Variants in NDE1 observed in about 807,000 individuals in gnomAD.
NDE1 encodes the protein nudE neurodevelopment protein 1, also known as nuclear distribution protein nudE homolog 1.
Under a neutral mutation model 43.4 loss-of-function variants are expected in NDE1, and 28 were observed. The observed-to-expected ratio is 0.65, with a 90% CI of 0.48 to 0.89. NDE1 has a LOEUF of 0.89. NDE1 is among the 40% of genes least tolerant of loss of function. NDE1 has a pLI of 0.00. For synonymous variants in NDE1, 184 were observed against 172.0 expected, an observed-to-expected ratio of 1.07 and a Z score of -0.55; for missense variants, 441 against 434.1, an observed-to-expected ratio of 1.02 and a Z score of -0.14.
intron 1 of NDE1, among the ~76,000 whole-genome samples, chr16:15,662,016 C>T (rs1202671094): frequency 6.6e-6 from 1 of 152,062 alleles, no homozygotes; most frequent in Non-Finnish European, 1.5e-5. Context: ...TTACTGCAGC[C>T]TCAAATTCCT....
chr16:15,720,860 C>G, intron 8 of NDE1: 1 of 1,613,850 alleles, frequency 6.2e-7, no homozygotes, highest in Non-Finnish European at 8.5e-7. Context: ...GTTGCCTCCT[C>G]TTCTCCTCAT....
intron 4 of NDE1, among the ~76,000 whole-genome samples, chr16:15,678,734 T>A (rs2038014872): frequency 6.6e-6 from 1 of 152,152 alleles, no homozygotes; most frequent in Admixed American, 6.6e-5. Context: ...TTTTTTTGGA[T>A]AAGAACACTT....
rs139377348 is a variant in NDE1, at chr16:15,724,763, C to T, written c.*512C>T. On this transcript the variant is annotated 3_prime_UTR_variant, in exon 9 of 9. Coordinates refer to ENST00000396354, the MANE Select transcript of NDE1 (RefSeq NM_017668.3). ...TCCAGCTGGCGCAGCTTCGTAGACA[C>T]GTTGAGCTTCTGCCGGGTTTCTTCT... 2.5e-6 allele frequency: 4 copies of T among 1,614,124 alleles called. No individual in the cohort carries two copies. Among genetic ancestry groups the T allele is most frequent in the Non-Finnish European group, 3.4e-6 (4 of 1,180,024 alleles).
intron 8 of NDE1, among the ~76,000 whole-genome samples, chr16:15,706,437 G>A (rs963595291): frequency 6.6e-6 from 1 of 152,148 alleles, no homozygotes; most frequent in Non-Finnish European, 1.5e-5. Context: ...CAGTTGCTGC[G>A]ACTCATGCCT....
At position 15,696,689 on chromosome 16, in the gene NDE1, A is replaced by G; in HGVS notation, c.796-20A>G. 6.2e-7 allele frequency: 1 copy of G among 1,614,176 alleles called. No individual in the cohort carries two copies. On this transcript the variant is annotated intron_variant, in intron 7 of 8. Transcript: ENST00000396354. ...AGTCCTTGCCTATAACTTGAGAGAT[A>G]AAAGTGTATTTCTGTCCAGGCACTG...
chr16:15,705,979 C>T (rs754838991), intron 8 of NDE1, among the ~76,000 whole-genome samples: 21 of 12,954 alleles, frequency 1.6e-3, no homozygotes, highest in Admixed American at 0.011. Context: ...GGTGAGACTC[C>T]GTCTCAAAAA....
chr16:15,673,689 C>T (rs959550892), intron 3 of NDE1, among the ~76,000 whole-genome samples: 11 of 152,010 alleles, frequency 7.2e-5, no homozygotes, highest in Admixed American at 2.6e-4. Context: ...CATGCCACCA[C>T]GCCTGGCTGT....
intron 3 of NDE1, among the ~76,000 whole-genome samples, chr16:15,672,388 C>T (rs927323872): frequency 3.3e-5 from 5 of 152,014 alleles, no homozygotes; most frequent in Admixed American, 2.0e-4. Context: ...GCTGAGATTG[C>T]GCCACTGTAC....
rs758566408 is a variant in NDE1, at chr16:15,696,833, G to A, written c.920G>A (p.Ser307Asn). The A allele has an allele frequency of 1.2e-6, 2 of 1,614,166 alleles. No homozygotes were observed. The highest frequency in any genetic ancestry group is 1.7e-6 in the Non-Finnish European group (2 of 1,180,032). The part of the protein sequence containing the change: ...NRDGGERRPS[S>N]TSVPLGDKGL... ...GATGGCGGGGAGAGACGGCCAAGCA[G>A]CACCAGCGTGCCTTTGGGTGATAAG... Residue 307 changes from serine (S) to asparagine (N), a missense_variant, in exon 8 of 9, where the codon AGC becomes AAC. Ser to Asn is a conservative substitution (Grantham distance 46). Coordinates refer to ENST00000396354, the MANE Select transcript of NDE1 (RefSeq NM_017668.3).
intron 7 of NDE1, chr16:15,695,515 A>C: frequency 1.0e-6 from 1 of 969,230 alleles, no homozygotes; most frequent in Non-Finnish European, 1.2e-6. Context: ...AAAAAAAAAA[A>C]TCTTGAAAGC....
intron 6 of NDE1, among the ~76,000 whole-genome samples, chr16:15,693,675 C>T (rs2038865933): frequency 6.6e-6 from 1 of 152,076 alleles, no homozygotes; most frequent in Non-Finnish European, 1.5e-5. Context: ...CATGGTGGCT[C>T]ACGCCCGTAA....
Position 15,691,316 on chromosome 16 carries a change from C to T in NDE1, c.696C>T (p.Phe232=), listed in dbSNP as rs1306385422. The change falls in exon 6 of 9, where the codon TTC becomes TTT. Residue 232 remains phenylalanine, a synonymous_variant. Coordinates refer to ENST00000396354, the MANE Select transcript of NDE1 (RefSeq NM_017668.3). ...PSSSLNTPGS[F]RRGLDDSTGG... Reference sequence around the variant, plus strand: ...CAAGTTTAAACACACCTGGGAGCTTCAGACGTGGTAAGGGGAGTGGGAATT... The same window carrying T: ...CAAGTTTAAACACACCTGGGAGCTTTAGACGTGGTAAGGGGAGTGGGAATT... The T allele has an allele frequency of 6.2e-7, 1 of 1,614,004 alleles. No individual in the cohort carries two copies. Among genetic ancestry groups the T allele is most frequent in the East Asian group, 2.2e-5 (1 of 44,876 alleles).
chr16:15,694,168 T>G lies in NDE1; in HGVS notation c.707T>G (p.Leu236Arg). Residue 236 changes from leucine (L) to arginine (R), a missense_variant, in exon 7 of 9, where the codon CTG (leucine) becomes CGG (arginine). Physicochemically the swap from Leu to Arg is moderately radical, Grantham distance 102 (BLOSUM62 -2). Coordinates refer to ENST00000396354, the MANE Select transcript of NDE1 (RefSeq NM_017668.3). ...GCTCTTCCCTTTGCACACCCAGGCC[T>G]GGACGACTCCACCGGGGGGACCCCC... Reference protein sequence around the residue: ...LNTPGSFRRGLDDSTGGTPLT... With the variant: ...LNTPGSFRRGRDDSTGGTPLT... 6.2e-7 allele frequency: 1 copy of G among 1,612,554 alleles called. No homozygotes were observed. Among genetic ancestry groups the G allele is most frequent in the African/African-American group, 1.3e-5 (1 of 74,998 alleles).
intron 5 of NDE1, 90 bp downstream of exon 5, chr16:15,687,601 A>G (rs2038505139): frequency 7.9e-7 from 1 of 1,258,722 alleles, no homozygotes; most frequent in Non-Finnish European, 1.2e-6. Context: ...CATTATCTTT[A>G]CAGGGACCCC....
intron 4 of NDE1, 41 bp downstream of exon 4, chr16:15,677,990 C>T (rs62036933): frequency 1.1e-4 from 177 of 1,612,018 alleles, no homozygotes; most frequent in Non-Finnish European, 1.2e-4. Flanking sequence ...AGACTCTCCT[C>T]TCTGCTTTTT....
chr16:15,709,128 G>A (rs1022692551), intron 8 of NDE1, among the ~76,000 whole-genome samples: 11 of 150,436 alleles, frequency 7.3e-5, no homozygotes, highest in African/African-American at 2.7e-4. Flanking sequence ...TTTTAGTACA[G>A]ATGGGGTTGC....
intron 8 of NDE1, among the ~76,000 whole-genome samples, chr16:15,720,512 C>T (rs577422299): frequency 3.3e-5 from 5 of 151,358 alleles, no homozygotes; most frequent in African/African-American, 1.2e-4. Context: ...TTTGGGAGGC[C>T]AACAGGAGAA....
intron 5 of NDE1, among the ~76,000 whole-genome samples, chr16:15,689,408 C>T (rs1165440713): frequency 6.6e-6 from 1 of 152,132 alleles, no homozygotes; most frequent in Non-Finnish European, 1.5e-5. Flanking sequence ...GGGAGGATGA[C>T]TTGAGCCCAG....
At chr16:15,717,094 C>T (rs1389494517) in intron 8 of NDE1, 1 of 1,595,792 alleles carries the variant, frequency 6.3e-7, no homozygotes, top group South Asian at 1.1e-5. Context: ...CTCCTGCTGT[C>T]CATCACCCCC....
Sources: allele counts gnomAD v4.1 joint callset (sites outside exome capture counted in the v4.1 genomes callset), GRCh38; gene constraint gnomAD v4.1.1; transcripts MANE v1.5; gene names NCBI Gene and HGNC (gene_info 2026-07-23, HGNC 2026-07-21).